IL12B: variants seen among roughly 807,000 people sequenced by gnomAD.
IL12B encodes interleukin 12B.
A neutral mutation model predicts 39.2 loss-of-function variants in IL12B; 27 were observed. That is an observed-to-expected ratio of 0.69 (90% CI 0.51 to 0.95). IL12B has a LOEUF of 0.95. IL12B is among the 40% of genes least tolerant of loss of function. The pLI is 0.00. For synonymous variants in IL12B, 142 were observed against 152.1 expected, an observed-to-expected ratio of 0.93 and a Z score of 0.49; for missense variants, 351 against 397.6, an observed-to-expected ratio of 0.88 and a Z score of 1.00.
rs1207442297 is a variant in IL12B at position 159,315,214 on chromosome 5, A to T, written c.*887T>A. ...AATTTCAATCATTTTTTTTTTTGAGACAGGGTCTCATTCTGTCACCTAGGC... is the reference window on the plus strand; with the variant it reads ...AATTTCAATCATTTTTTTTTTTGAGTCAGGGTCTCATTCTGTCACCTAGGC... On this transcript the variant is annotated 3_prime_UTR_variant, in exon 8 of 8. Transcript: ENST00000231228. 6.6e-6 allele frequency: 1 copy of T among 151,598 alleles called. No homozygotes were observed. Among genetic ancestry groups the T allele is most frequent in the Admixed American group, 6.6e-5 (1 of 15,198 alleles). 9.4% of individuals were successfully genotyped at this position (151,598 alleles called of 1,614,324 possible). A position where few individuals can be genotyped will look rare whatever the true frequency, so the allele number is the denominator to read the frequency against.
At chr5:159,322,973 C>G in intron 3 of IL12B, 81 bp downstream of exon 3, 2 of 1,383,144 alleles carry the variant, frequency 1.4e-6, no homozygotes, top group Non-Finnish European at 2.1e-6. Flanking sequence ...CATGACTTGG[C>G]TTTTCAATTT....
rs1260872062 is a variant in IL12B at position 159,323,188 on chromosome 5, A to G, written c.230T>C (p.Ile77Thr). The G allele has an allele frequency of 6.2e-7, 1 of 1,613,972 alleles. No individual in the cohort carries two copies. Among genetic ancestry groups the G allele is most frequent in the East Asian group, 2.2e-5 (1 of 44,878 alleles). ...EVLGSGKTLT[I>T]QVKEFGDAGQ... Reference sequence around the variant, plus strand: ...AGCATCTCCAAACTCTTTGACTTGGATGGTCAGGGTTTTGCCAGAGCCTAA... The same window carrying G: ...AGCATCTCCAAACTCTTTGACTTGGGTGGTCAGGGTTTTGCCAGAGCCTAA... Residue 77 changes from isoleucine to threonine, a missense_variant, in exon 3 of 8, where the codon ATC becomes ACC. Physicochemically the swap from Ile to Thr is moderately conservative, Grantham distance 89. Coordinates refer to ENST00000231228, the MANE Select transcript of IL12B (RefSeq NM_002187.3).
At chr5:159,330,110 A>C (rs1754253358) in intron 1 of IL12B, among the ~76,000 whole-genome samples, 1 of 152,226 alleles carries the variant, frequency 6.6e-6, no homozygotes, top group African/African-American at 2.4e-5. Context: ...ACTGATGGGC[A>C]TTAACATTTA....
intron 1 of IL12B, among the ~76,000 whole-genome samples, chr5:159,328,175 A>G (rs1754223354): frequency 6.6e-6 from 1 of 152,232 alleles, no homozygotes; most frequent in Non-Finnish European, 1.5e-5. Context: ...TGTGAGTGGC[A>G]GAGACAGGCC....
intron 1 of IL12B, among the ~76,000 whole-genome samples, chr5:159,328,030 C>A (rs1754220966): frequency 6.6e-6 from 1 of 152,192 alleles, no homozygotes; most frequent in Non-Finnish European, 1.5e-5. Flanking sequence ...GGGCAATGCT[C>A]AACTGTTTCA....
chr5:159,321,158 C>T (rs955832159), intron 4 of IL12B, among the ~76,000 whole-genome samples: 2 of 151,748 alleles, frequency 1.3e-5, no homozygotes, highest in Non-Finnish European at 2.9e-5. Flanking sequence ...GCCACCACAC[C>T]CACCTAATTT....
intron 6 of IL12B, among the ~76,000 whole-genome samples, chr5:159,318,394 G>C (rs1050961848): frequency 1.3e-5 from 2 of 152,142 alleles, no homozygotes; most frequent in African/African-American, 4.8e-5. Context: ...TTATAATATT[G>C]TATTTTTGCT....
chr5:159,324,117 A>ATTT (rs35473408), intron 2 of IL12B, among the ~76,000 whole-genome samples: 3 of 151,798 alleles, frequency 2.0e-5, no homozygotes, highest in Non-Finnish European at 2.9e-5. Flanking sequence ...TATTATTATT[A>ATTT]TTTTTAGCTA....
chr5:159,323,209 C>T lies in IL12B; in HGVS notation c.209G>A (p.Gly70Asp). The T allele has an allele frequency of 1.9e-6, 3 of 1,614,102 alleles. No homozygotes were observed. Among genetic ancestry groups the T allele is most frequent in the Non-Finnish European group, 2.5e-6 (3 of 1,180,014 alleles). ...TTGGATGGTCAGGGTTTTGCCAGAG[C>T]CTAAGACCTCACTGCTCTGGTCCAA... The part of the protein sequence containing the change: ...WTLDQSSEVL[G>D]SGKTLTIQVK... Residue 70 changes from glycine to aspartate, a missense_variant, in exon 3 of 8, where the codon GGC becomes GAC. Physicochemically the swap from Gly to Asp is moderately conservative, Grantham distance 94. Transcript: ENST00000231228.
At chr5:159,321,368 C>T (rs2853695) in intron 4 of IL12B, among the ~76,000 whole-genome samples, 39,975 of 99,158 alleles carry the variant, frequency 0.4, 5,378 homozygotes, top group Middle Eastern at 0.49. Context: ...TATATATATA[C>T]ACACACACAC....
chr5:159,316,934 G>A, intron 6 of IL12B, 118 bp from the exon 7 acceptor site: 1 of 1,145,234 alleles, frequency 8.7e-7, no homozygotes, highest in African/African-American at 1.5e-5. Context: ...TTAGGGCACT[G>A]TGCTTGCAAT....
chr5:159,328,820 G>A (rs1173148206), intron 1 of IL12B, among the ~76,000 whole-genome samples: 6 of 152,124 alleles, frequency 3.9e-5, no homozygotes, highest in Non-Finnish European at 2.9e-5. Flanking sequence ...AGGGAACCCC[G>A]GCCATGGTTC....
At position 159,323,112 on chromosome 5, in the gene IL12B, CAGGAGCGA is replaced by C. The variant is rs786201006; in HGVS notation, c.298_305del (p.Ser100AlafsTer13). The C allele has an allele frequency of 6.2e-7, 1 of 1,614,158 alleles. No individual in the cohort carries two copies. The stretch of plus-strand genomic sequence containing the variant: ...TTCCATCTTCCTTTTTGTGAAGCAG[CAGGAGCGA>C]ATGGCTTAGAACCTCGCCTCCTTTG... On this transcript the variant is annotated frameshift_variant, in exon 3 of 8. Coordinates refer to ENST00000231228, the MANE Select transcript of IL12B (RefSeq NM_002187.3). LOFTEE classifies it high-confidence loss of function.
intron 2 of IL12B, among the ~76,000 whole-genome samples, 172 bp downstream of exon 2, chr5:159,326,523 T>C (rs953562591): frequency 1.3e-5 from 2 of 152,162 alleles, no homozygotes; most frequent in African/African-American, 2.4e-5. Flanking sequence ...ACAATATAGA[T>C]ACCATCAAAG....
intron 6 of IL12B, 112 bp downstream of exon 6, chr5:159,318,621 CTGT>C (rs1384277413): frequency 1.0e-6 from 1 of 979,706 alleles, no homozygotes; most frequent in Non-Finnish European, 1.6e-6. Flanking sequence ...GAATGTATCC[CTGT>C]TGTTAAGTGA....
At position 159,323,268 on chromosome 5, in the gene IL12B, AC is replaced by A; in HGVS notation, c.149del (p.Cys50LeufsTer20). ...TGATACCATCTTCTTCAGGGGTGTC[AC>A]AGGTGAGGACCACCATTTCTCCAGG... is the stretch of plus-strand genomic sequence containing the variant. ...DAPGEMVVLT[C>X]DTPEEDGITW... On this transcript the variant is annotated frameshift_variant, in exon 3 of 8. Coordinates refer to ENST00000231228, the MANE Select transcript of IL12B (RefSeq NM_002187.3). LOFTEE classifies it high-confidence loss of function. The A allele has an allele frequency of 6.2e-7, 1 of 1,614,112 alleles. No individual in the cohort carries two copies. Among genetic ancestry groups the A allele is most frequent in the Non-Finnish European group, 8.5e-7 (1 of 1,179,970 alleles).
chr5:159,327,141 G>C (rs1400538188), intron 1 of IL12B, among the ~76,000 whole-genome samples: 1 of 152,114 alleles, frequency 6.6e-6, no homozygotes, highest in South Asian at 2.1e-4. Flanking sequence ...TGACTTTCTG[G>C]ATCAACATCT....
intron 1 of IL12B, among the ~76,000 whole-genome samples, 180 bp from the exon 2 acceptor site, chr5:159,326,962 A>AT (rs2113036092): frequency 6.6e-6 from 1 of 152,260 alleles, no homozygotes; most frequent in South Asian, 2.1e-4. Flanking sequence ...CTGTCAAGCA[A>AT]ATACTAAGTA....
At position 159,322,454 on chromosome 5, in the gene IL12B, G is replaced by A. The variant is rs1584754642; in HGVS notation, c.422C>T (p.Thr141Ile). Residue 141 changes from threonine to isoleucine, a missense_variant, in exon 4 of 8, where the codon ACC becomes ATC. Thr to Ile is a moderately conservative substitution (Grantham distance 89, BLOSUM62 -1). Transcript: ENST00000231228. ...CEAKNYSGRF[T>I]CWWLTTISTD... ...ACTGATTGTCGTCAGCCACCAGCAG[G>A]TGAAACGTCCAGAATAATTCTTGGC... 1 of 1,613,874 alleles carries A rather than the reference G, an allele frequency of 6.2e-7. No individual in the cohort carries two copies. The highest frequency in any genetic ancestry group is 1.3e-5 in the African/African-American group (1 of 74,898).
Sources: allele counts gnomAD v4.1 joint callset (sites outside exome capture counted in the v4.1 genomes callset), GRCh38; gene constraint gnomAD v4.1.1; transcripts MANE v1.5; gene names NCBI Gene and HGNC (gene_info 2026-07-23, HGNC 2026-07-21).